SRP72: variants seen among roughly 807,000 people sequenced by gnomAD.
The protein encoded by SRP72 is signal recognition particle 72, also known as signal recognition particle subunit SRP72.
SRP72 carries 49 observed loss-of-function variants against 96.3 expected under a neutral mutation model. That is an observed-to-expected ratio of 0.51 (90% confidence interval 0.40 to 0.65). The LOEUF (loss-of-function observed/expected upper bound fraction) is 0.65, where lower values mean the gene tolerates loss of function less well. Among genes scored for constraint, SRP72 ranks in the 30% least tolerant of loss-of-function variants. The pLI is 0.00. For synonymous variants in SRP72, 267 were observed against 275.2 expected, an observed-to-expected ratio of 0.97 and a Z score of 0.30; for missense variants, 736 against 793.3, an observed-to-expected ratio of 0.93 and a Z score of 0.87.
rs1337773804 is a variant in SRP72, at chr4:56,471,777, T to A, written c.288T>A (p.Asn96Lys). 2 of 1,614,036 alleles carry A rather than the reference T, an allele frequency of 1.2e-6. No individual in the cohort carries two copies. Among genetic ancestry groups the A allele is most frequent in the African/African-American group, 1.3e-5 (1 of 74,934 alleles). ...AGTACAGGCTGAACAGAATTGAGAA[T>A]GCCTTGAAGACAATAGAAAGTGCCA... ...YCEYRLNRIE[N>K]ALKTIESANQ... The change falls in exon 3 of 19, where the codon AAT (asparagine) becomes AAA (lysine). Residue 96 changes from asparagine (N) to lysine (K), a missense_variant. Asn to Lys is a moderately conservative substitution (Grantham distance 94). Around this residue, in one of 3 missense-constraint regions of SRP72, gnomAD observed 329 missense variants for 319.0 expected, o/e 1.03. Transcript: ENST00000642900.
chr4:56,483,546 C>G (rs1445459491), intron 9 of SRP72, among the ~76,000 whole-genome samples: 1 of 151,954 alleles, frequency 6.6e-6, no homozygotes, highest in Non-Finnish European at 1.5e-5. Flanking sequence ...AACCCTGTCT[C>G]TACATGGTGG....
At position 56,484,816 on chromosome 4, in the gene SRP72, C is replaced by A; in HGVS notation, c.1038C>A (p.Ala346=). The A allele has an allele frequency of 6.2e-7, 1 of 1,614,052 alleles. No homozygotes were observed. The highest frequency in any genetic ancestry group is 1.1e-5 in the South Asian group (1 of 91,054). Residue 346 remains alanine, a synonymous_variant, in exon 10 of 19, where the codon GCC becomes GCA. Coordinates refer to ENST00000642900, the MANE Select transcript of SRP72 (RefSeq NM_006947.4). ...EHLLPVLIQA[A]QLCREKQHTK... ...TCTTACCTGTGTTAATCCAAGCTGC[C>A]CAGCTCTGCCGTGAAAAGCAGCACA... is the stretch of plus-strand genomic sequence containing the variant.
rs745914656 is a variant in SRP72, at chr4:56,469,690, T to C, written c.147T>C (p.His49=). ...QINKDDVTAL[H]CKVVCLIQNG... ...ACAAAGATGACGTAACTGCCCTGCATTGTAAAGTGGTATGCCTTATCCAGA... is the reference window on the plus strand; with the variant it reads ...ACAAAGATGACGTAACTGCCCTGCACTGTAAAGTGGTATGCCTTATCCAGA... Residue 49 remains histidine (H), a synonymous_variant, in exon 2 of 19, where the codon CAT becomes CAC. Coordinates refer to ENST00000642900, the MANE Select transcript of SRP72 (RefSeq NM_006947.4). 3.7e-6 allele frequency: 6 copies of C among 1,611,950 alleles called. No homozygotes were observed. Among genetic ancestry groups the C allele is most frequent in the Non-Finnish European group, 5.1e-6 (6 of 1,178,544 alleles).
At chr4:56,477,858 C>T (rs1054701646) in intron 6 of SRP72, among the ~76,000 whole-genome samples, 2 of 152,126 alleles carry the variant, frequency 1.3e-5, no homozygotes, top group African/African-American at 4.8e-5. Flanking sequence ...TGTTCAATTA[C>T]AGGATTAAAG....
rs576487056 is a variant in SRP72 at position 56,468,645 on chromosome 4, A to T, written c.109+901A>T. 2.7e-3 allele frequency among the ~76,000 whole-genome samples: 417 copies of T among 152,052 alleles called. 4 individuals carry two copies. The highest frequency in any genetic ancestry group is 3.5e-3 in the Non-Finnish European group (235 of 67,970). Reference sequence around the variant, plus strand: ...AGTAACATGCAAAGCTATCTAAGTAATTTTCAACACTCTAGTACTGGGTTA... The same window carrying T: ...AGTAACATGCAAAGCTATCTAAGTATTTTTCAACACTCTAGTACTGGGTTA... On this transcript the variant is annotated intron_variant, in intron 1 of 18. Transcript: ENST00000642900.
At position 56,490,447 on chromosome 4, in the gene SRP72, A is replaced by G; in HGVS notation, c.1424+11A>G. ...ACAACAGCTGTGGAAGTAAGCTCTGAAACGTGGAGTTGTAGAAATAACACA... is the reference window on the plus strand; with the variant it reads ...ACAACAGCTGTGGAAGTAAGCTCTGGAACGTGGAGTTGTAGAAATAACACA... On this transcript the variant is annotated intron_variant, in intron 14 of 18. Transcript: ENST00000642900. The G allele has an allele frequency of 6.2e-7, 1 of 1,612,074 alleles. No individual in the cohort carries two copies. The highest frequency in any genetic ancestry group is 1.7e-4 in the Middle Eastern group (1 of 6,052).
At chr4:56,470,710 G>A (rs1560673745) in intron 2 of SRP72, among the ~76,000 whole-genome samples, 4 of 152,202 alleles carry the variant, frequency 2.6e-5, no homozygotes, top group African/African-American at 4.8e-5. Context: ...GGAAATAGAG[G>A]CAATGCTGCT....
rs181609998 is a variant in SRP72 at position 56,470,012 on chromosome 4, C to T, written c.230+239C>T. 2.3e-3 allele frequency among the ~76,000 whole-genome samples: 334 copies of T among 148,368 alleles called. 1 individual carries two copies. Among genetic ancestry groups the T allele is most frequent in the Middle Eastern group, 3.5e-3 (1 of 288 alleles). ...TTTAACCACTGTGTTTCCTTTGAAC[C>T]GCTAAGGAGGTGAACCATAGAGAGT... On this transcript the variant is annotated intron_variant, in intron 2 of 18. Transcript: ENST00000642900.
chr4:56,495,723 G>A (rs936062877), intron 17 of SRP72, among the ~76,000 whole-genome samples: 1 of 152,098 alleles, frequency 6.6e-6, no homozygotes, highest in Admixed American at 6.5e-5. Context: ...TCTTAGAGTG[G>A]TGCCTGGCAC....
Position 56,475,401 on chromosome 4 carries a change from A to ATATATAT in SRP72, c.610+1010_610+1011insTATATAT, listed in dbSNP as rs372043494. Among the ~76,000 whole-genome samples, 49 of 93,288 alleles carry ATATATAT rather than the reference A, an allele frequency of 5.3e-4. 1 individual carries two copies. The highest frequency in any genetic ancestry group is 3.4e-3 in the Admixed American group (24 of 7,104). The allele number at this position is 93,288 out of a possible 152,430, so 61.2% of individuals were successfully genotyped here. On this transcript the variant is annotated intron_variant, in intron 5 of 18. Coordinates refer to ENST00000642900, the MANE Select transcript of SRP72 (RefSeq NM_006947.4). ...AGTAAGCCTTCGTTTTTACAAAAAA[A>ATATATAT]AAATATATATGTGGCCGAGTGTGGT...
At chr4:56,477,299 C>CTTTTTTTTTTTTTTTT (rs1720276211) in intron 6 of SRP72, 7 of 97,272 alleles carry the variant, frequency 7.2e-5, no homozygotes, top group African/African-American at 2.7e-4. Flanking sequence ...CTCTCTCTCT[C>CTTTTTTTTTTTTTTTT]TCTTTTTTTT....
intron 16 of SRP72, 188 bp from the exon 17 acceptor site, chr4:56,495,169 T>C (rs1408626313): frequency 5.3e-6 from 2 of 375,390 alleles, no homozygotes; most frequent in East Asian, 4.2e-5. Context: ...CCAAAAATTA[T>C]AGTATCTGAA....
Position 56,501,894 on chromosome 4 carries a change from C to G in SRP72, c.*33C>G. 6.2e-7 allele frequency: 1 copy of G among 1,608,836 alleles called. No homozygotes were observed. The highest frequency in any genetic ancestry group is 8.5e-7 in the Non-Finnish European group (1 of 1,175,548). On this transcript the variant is annotated 3_prime_UTR_variant, in exon 19 of 19. Transcript: ENST00000642900. ...ATTCTTGTTGCAGGCTGTTTTTAAA[C>G]TAGTGTCAGTGACACTAGGAATATA...
intron 15 of SRP72, 147 bp downstream of exon 15, chr4:56,490,792 A>G: frequency 1.5e-6 from 1 of 669,556 alleles, no homozygotes; most frequent in Admixed American, 3.4e-5. Flanking sequence ...ATGAGAATTT[A>G]TTGATCAGTG....
rs1333667821 is a variant in SRP72, at chr4:56,502,783, T to G, written c.*922T>G. On this transcript the variant is annotated 3_prime_UTR_variant, in exon 19 of 19. Coordinates refer to ENST00000642900, the MANE Select transcript of SRP72 (RefSeq NM_006947.4). ...CCAGGCAGTATTAAAATCTAACAGGTCTGTTTGGCCCATTGATAGATACTC... is the reference window on the plus strand; with the variant it reads ...CCAGGCAGTATTAAAATCTAACAGGGCTGTTTGGCCCATTGATAGATACTC... The G allele has an allele frequency of 3.3e-5, 5 of 151,982 alleles. No individual in the cohort carries two copies. The highest frequency in any genetic ancestry group is 1.2e-4 in the African/African-American group (5 of 41,400). 9.4% of individuals were successfully genotyped at this position (151,982 alleles called of 1,614,324 possible).
rs1491280699 is a variant in SRP72 at position 56,502,512 on chromosome 4, T to TAA, written c.*653_*654dup. ...ATATATATACATATATATATATATA[T>TAA]AAACATGAAATATATATATATGGCT... On this transcript the variant is annotated 3_prime_UTR_variant, in exon 19 of 19. Transcript: ENST00000642900. The TAA allele has an allele frequency of 3.4e-5, 5 of 146,326 alleles. No individual in the cohort carries two copies. Among genetic ancestry groups the TAA allele is most frequent in the Admixed American group, 6.9e-5 (1 of 14,506 alleles). 9.1% of individuals were successfully genotyped at this position (146,326 alleles called of 1,614,324 possible).
At position 56,503,508 on chromosome 4, in the gene SRP72, T is replaced by G. The variant is rs1422479981; in HGVS notation, c.*1647T>G. 2 of 152,208 alleles carry G rather than the reference T, an allele frequency of 1.3e-5. No individual in the cohort carries two copies. Among genetic ancestry groups the G allele is most frequent in the African/African-American group, 4.8e-5 (2 of 41,462 alleles). 9.4% of individuals were successfully genotyped at this position (152,208 alleles called of 1,614,324 possible). On this transcript the variant is annotated 3_prime_UTR_variant, in exon 19 of 19. Coordinates refer to ENST00000642900, the MANE Select transcript of SRP72 (RefSeq NM_006947.4). Reference sequence around the variant, plus strand: ...TAAGTTTTAATTGTCAAATGAAGTATAAACACATGAACTTTCTAGAAATAT... The same window carrying G: ...TAAGTTTTAATTGTCAAATGAAGTAGAAACACATGAACTTTCTAGAAATAT...
chr4:56,478,153 T>C (rs1720321687), intron 6 of SRP72, among the ~76,000 whole-genome samples: 1 of 148,408 alleles, frequency 6.7e-6, no homozygotes, highest in Non-Finnish European at 1.5e-5. Context: ...TTTTGCCTTT[T>C]CTTTTTTTTT....
At chr4:56,477,309 T>C (rs1325819598) in intron 6 of SRP72, 1 of 147,190 alleles carries the variant, frequency 6.8e-6, no homozygotes, top group Non-Finnish European at 1.5e-5. Flanking sequence ...CTCTTTTTTT[T>C]TTTTTTTTTT....
Sources: allele counts gnomAD v4.1 joint callset (sites outside exome capture counted in the v4.1 genomes callset), GRCh38; gene constraint gnomAD v4.1.1; regional missense constraint gnomAD v4.1.1; transcripts MANE v1.5; gene names NCBI Gene and HGNC (gene_info 2026-07-23, HGNC 2026-07-21).